RBFOX1: variants seen among roughly 807,000 people sequenced by gnomAD.
RBFOX1 encodes the protein RNA binding protein fox-1 homolog 1.
In RBFOX1, 8 loss-of-function variants were observed where a neutral mutation model predicts 57.7. That is an observed-to-expected ratio of 0.14 (90% CI 0.08 to 0.25). RBFOX1 has a LOEUF of 0.25. Among genes scored for constraint, RBFOX1 ranks in the 10% least tolerant of loss-of-function variants. RBFOX1 has a pLI of 1.00. For missense variants in RBFOX1, 611 were observed against 548.5 expected (o/e 1.11, Z -1.14); for synonymous variants, 326 against 222.4 (o/e 1.47, Z -4.15).
intron 2 of RBFOX1, among the ~76,000 whole-genome samples, chr16:5,506,104 G>A (rs746786311): frequency 6.6e-6 from 1 of 152,102 alleles, no homozygotes; most frequent in South Asian, 2.1e-4. Flanking sequence ...AGCCCACACT[G>A]CCTCACACAC....
chr16:6,166,639 A>G (rs1597980497), intron 1 of RBFOX1, among the ~76,000 whole-genome samples: 2 of 152,298 alleles, frequency 1.3e-5, no homozygotes, highest in African/African-American at 4.8e-5. Context: ...TACTCTGAGC[A>G]TAACGCCGGT....
intron 2 of RBFOX1, among the ~76,000 whole-genome samples, chr16:6,605,680 C>T (rs75766840): frequency 0.022 from 3,399 of 152,278 alleles, 127 homozygotes; most frequent in African/African-American, 0.076. Flanking sequence ...ACTGGCTCCC[C>T]GCCAGGCTCT....
intron 2 of RBFOX1, chr16:6,483,551 C>T (rs2095409279): frequency 6.5e-7 from 1 of 1,535,018 alleles, no homozygotes; most frequent in Admixed American, 2.0e-5. Flanking sequence ...TCAGGTACGG[C>T]GAGCGAAGAA....
chr16:6,021,800 G>A (rs1189352335), intron 1 of RBFOX1, among the ~76,000 whole-genome samples: 2 of 152,194 alleles, frequency 1.3e-5, no homozygotes, highest in African/African-American at 4.8e-5. Flanking sequence ...GTTGTCACCT[G>A]TAAAATCAGA....
rs147105208 is a variant in RBFOX1, at chr16:6,298,613, T to C, written c.-126-18382T>C. ...CCTAATGGGTTCAGTTAGCATTGTA[T>C]ATGCATGTGATTGACCAAAACCTTC... is the stretch of plus-strand genomic sequence containing the variant. On this transcript the variant is annotated intron_variant, in intron 1 of 15. Transcript: ENST00000550418. 8.7e-3 allele frequency among the ~76,000 whole-genome samples: 1,322 copies of C among 152,272 alleles called. 26 individuals carry two copies. Among genetic ancestry groups the C allele is most frequent in the African/African-American group, 0.03 (1,238 of 41,550 alleles).
At chr16:6,308,912 A>G (rs903457157) in intron 1 of RBFOX1, among the ~76,000 whole-genome samples, 8 of 152,058 alleles carry the variant, frequency 5.3e-5, no homozygotes, top group African/African-American at 1.7e-4. Context: ...TTTAAACTCT[A>G]CAGCACATTT....
intron 14 of RBFOX1, among the ~76,000 whole-genome samples, chr16:7,688,421 C>T (rs1170488612): frequency 6.6e-6 from 1 of 152,010 alleles, no homozygotes; most frequent in Admixed American, 6.6e-5. Context: ...GCCCATAAGA[C>T]TTAAAGACAG....
At chr16:6,307,342 A>C (rs1226951103) in intron 1 of RBFOX1, among the ~76,000 whole-genome samples, 2 of 152,132 alleles carry the variant, frequency 1.3e-5, no homozygotes, top group Non-Finnish European at 2.9e-5. Flanking sequence ...AAGATCGCGC[A>C]CTGCACTCTA....
chr16:5,258,747 C>G (rs1336390290), intron 1 of RBFOX1, among the ~76,000 whole-genome samples: 1 of 152,132 alleles, frequency 6.6e-6, no homozygotes, highest in Non-Finnish European at 1.5e-5. Flanking sequence ...GAAACCCTAT[C>G]TCTATTAAAC....
chr16:7,027,159 C>T (rs888514646), intron 3 of RBFOX1, among the ~76,000 whole-genome samples: 5 of 152,156 alleles, frequency 3.3e-5, no homozygotes, highest in African/African-American at 1.2e-4. Context: ...ACCCTCCTTA[C>T]GAGACTGAGT....
chr16:5,386,331 G>A (rs2066254644), intron 1 of RBFOX1, among the ~76,000 whole-genome samples: 1 of 151,914 alleles, frequency 6.6e-6, no homozygotes, highest in South Asian at 2.1e-4. Context: ...ATGGAGAAGG[G>A]TCCTGAGAGC....
At chr16:6,457,701 G>T (rs1401241197) in intron 2 of RBFOX1, among the ~76,000 whole-genome samples, 1 of 152,146 alleles carries the variant, frequency 6.6e-6, no homozygotes, top group Non-Finnish European at 1.5e-5. Flanking sequence ...GTAGGTGCTG[G>T]TATCTGCTAG....
rs369616831 is a variant in RBFOX1, at chr16:5,510,320, C to T, written c.258+43066C>T. Among the ~76,000 whole-genome samples the T allele has an allele frequency of 3.6e-4, 55 of 152,322 alleles. No homozygotes were observed. In the South Asian group the frequency reaches 8.3e-3, roughly 23 times the overall value. On this transcript the variant is annotated intron_variant, in intron 2 of 2. Transcript: ENST00000585867. ...GATCTTGCCTGGGGTTGGCTGGGGC[C>T]GCTCTCCCTCTGACTGTAGGTCAGG...
intron 3 of RBFOX1, among the ~76,000 whole-genome samples, chr16:6,959,814 G>A (rs1183032159): frequency 2.0e-5 from 3 of 152,158 alleles, no homozygotes; most frequent in Non-Finnish European, 4.4e-5. Context: ...GCAGGCACCT[G>A]TAATTCCAGC....
chr16:5,755,226 T>C (rs2053351075), intron 3 of RBFOX1, among the ~76,000 whole-genome samples: 2 of 138,862 alleles, frequency 1.4e-5, no homozygotes, highest in South Asian at 2.5e-4. Context: ...GGGTTGGGGG[T>C]AAGGTTATAG....
intron 3 of RBFOX1, among the ~76,000 whole-genome samples, chr16:6,664,709 GA>G (rs1568116233): frequency 6.6e-6 from 1 of 152,218 alleles, no homozygotes; most frequent in African/African-American, 2.4e-5. Context: ...GATAGGCAGG[GA>G]TGGAAGTCAG....
intron 3 of RBFOX1, among the ~76,000 whole-genome samples, chr16:6,808,075 A>G (rs1331439000): frequency 2.7e-5 from 4 of 150,818 alleles, no homozygotes; most frequent in Non-Finnish European, 5.9e-5. Context: ...CTATATATAT[A>G]TAATCATACT....
chr16:7,651,923 G>C (rs967228942), intron 11 of RBFOX1, among the ~76,000 whole-genome samples: 4 of 152,186 alleles, frequency 2.6e-5, no homozygotes, highest in Non-Finnish European at 5.9e-5. Flanking sequence ...AGTATGGTGA[G>C]AGCACTGGGA....
intron 14 of RBFOX1, among the ~76,000 whole-genome samples, chr16:7,694,337 G>C (rs919113604): frequency 2.0e-5 from 3 of 152,092 alleles, no homozygotes; most frequent in Admixed American, 1.3e-4. Flanking sequence ...GTAAAAAAAG[G>C]CTTATGTGCC....
Sources: gnomAD v4.1 joint callset for allele counts (sites outside exome capture counted in the v4.1 genomes callset) on GRCh38, gnomAD v4.1.1 for gene constraint, MANE v1.5 for transcripts, NCBI Gene and HGNC (gene_info 2026-07-23, HGNC 2026-07-21) for gene names.